GRIK4: variants seen among roughly 807,000 people sequenced by gnomAD.
GRIK4 encodes the protein glutamate receptor ionotropic, kainate 4.
GRIK4 carries 40 observed loss-of-function variants against 104.9 expected under a neutral mutation model. The observed-to-expected ratio is 0.38, with a 90% CI of 0.30 to 0.50. GRIK4 has a LOEUF of 0.50. Ranked by LOEUF, GRIK4 falls within the 20% of genes least tolerant of loss-of-function variation. The pLI, the probability that GRIK4 is intolerant of heterozygous loss-of-function variation, is 0.93. For synonymous variants in GRIK4, 485 were observed against 524.9 expected (o/e 0.92, Z 1.04); for missense variants, 1,047 against 1,308.1 (o/e 0.80, Z 3.08).
chr11:120,672,474 C>G (rs2135268695), intron 3 of GRIK4, among the ~76,000 whole-genome samples: 1 of 152,190 alleles, frequency 6.6e-6, no homozygotes, highest in African/African-American at 2.4e-5. Context: ...TGAACAGAGT[C>G]AATGGTAGCT....
chr11:120,698,623 G>A (rs1049953024), intron 3 of GRIK4, among the ~76,000 whole-genome samples: 2 of 152,144 alleles, frequency 1.3e-5, no homozygotes, highest in African/African-American at 2.4e-5. Context: ...CTTTGAAAGC[G>A]ATTTTGCCTC....
chr11:120,667,097 G>A (rs926794901), intron 3 of GRIK4, among the ~76,000 whole-genome samples: 2 of 152,214 alleles, frequency 1.3e-5, no homozygotes, highest in South Asian at 2.1e-4. Flanking sequence ...TATTGGACCT[G>A]TTACCTCTAA....
chr11:120,808,941 G>A (rs1276242175), intron 4 of GRIK4, among the ~76,000 whole-genome samples: 1 of 152,160 alleles, frequency 6.6e-6, no homozygotes, highest in Non-Finnish European at 1.5e-5. Context: ...GGCCCAGAGA[G>A]CACTGAGCAG....
intron 1 of GRIK4, among the ~76,000 whole-genome samples, chr11:120,581,790 T>A (rs575975454): frequency 4.6e-5 from 7 of 152,130 alleles, no homozygotes; most frequent in Middle Eastern, 3.4e-3. Context: ...TTTATTTCAG[T>A]GAGTGGAAGA....
chr11:120,788,585 C>T (rs951527450), intron 3 of GRIK4, among the ~76,000 whole-genome samples: 15 of 152,070 alleles, frequency 9.9e-5, no homozygotes, highest in African/African-American at 3.6e-4. Flanking sequence ...AAGGAGAAGG[C>T]ACCCAAGAAG....
intron 1 of GRIK4, among the ~76,000 whole-genome samples, chr11:120,550,391 T>A (rs1399635898): frequency 1.3e-5 from 2 of 148,582 alleles, no homozygotes; most frequent in Non-Finnish European, 2.9e-5. Flanking sequence ...TTTGAGCCGA[T>A]GCTGATTAGA....
intron 8 of GRIK4, among the ~76,000 whole-genome samples, chr11:120,857,011 G>A (rs1349736339): frequency 6.6e-6 from 1 of 152,102 alleles, no homozygotes; most frequent in Non-Finnish European, 1.5e-5. Context: ...CATGTTCCCA[G>A]ACACCAGACA....
chr11:120,833,501 AC>A (rs1299935899), intron 7 of GRIK4, among the ~76,000 whole-genome samples: 1 of 151,834 alleles, frequency 6.6e-6, no homozygotes, highest in Non-Finnish European at 1.5e-5. Context: ...TCCCTCCACC[AC>A]CCTTGTGGAA....
At chr11:120,924,614 G>T (rs772079889) in intron 13 of GRIK4, among the ~76,000 whole-genome samples, 1 of 152,032 alleles carries the variant, frequency 6.6e-6, no homozygotes, top group Admixed American at 6.5e-5. Context: ...TACACCTTTC[G>T]TCTGCCCAAA....
At chr11:120,690,469 C>T (rs1591807466) in intron 3 of GRIK4, among the ~76,000 whole-genome samples, 1 of 152,254 alleles carries the variant, frequency 6.6e-6, no homozygotes, top group East Asian at 1.9e-4. Flanking sequence ...ACCAGCTGAG[C>T]CCCCACACTG....
intron 4 of GRIK4, among the ~76,000 whole-genome samples, chr11:120,806,339 T>C (rs1418861678): frequency 2.0e-5 from 3 of 152,226 alleles, no homozygotes; most frequent in Non-Finnish European, 4.4e-5. Flanking sequence ...CTTCCAGTTT[T>C]CTGGGCTTGA....
At chr11:120,605,689 C>T (rs1948951279) in intron 1 of GRIK4, among the ~76,000 whole-genome samples, 1 of 152,230 alleles carries the variant, frequency 6.6e-6, no homozygotes, top group Non-Finnish European at 1.5e-5. Context: ...AGAGAGCTTA[C>T]AGCATAGCAG....
chr11:120,867,471 G>A (rs950012931), intron 9 of GRIK4, among the ~76,000 whole-genome samples: 1 of 151,904 alleles, frequency 6.6e-6, no homozygotes, highest in African/African-American at 2.4e-5. Flanking sequence ...CCTTTTCTCC[G>A]TAACCTTCTT....
chr11:120,931,138 A>G (rs1026759909), intron 13 of GRIK4, among the ~76,000 whole-genome samples: 1 of 152,210 alleles, frequency 6.6e-6, no homozygotes. Context: ...CTAAGGTCAC[A>G]CTGTTAGTAA....
intron 3 of GRIK4, among the ~76,000 whole-genome samples, chr11:120,755,122 C>G (rs1302825363): frequency 1.3e-5 from 2 of 152,132 alleles, no homozygotes; most frequent in Admixed American, 6.5e-5. Context: ...TTTATTCTTT[C>G]AACAGTTATT....
At chr11:120,668,967 A>G (rs1949968944) in intron 3 of GRIK4, among the ~76,000 whole-genome samples, 1 of 152,190 alleles carries the variant, frequency 6.6e-6, no homozygotes. Flanking sequence ...TGACATCTGT[A>G]ATTGATAATA....
chr11:120,914,714 A>G (rs1277187981), intron 13 of GRIK4, among the ~76,000 whole-genome samples: 1 of 152,154 alleles, frequency 6.6e-6, no homozygotes, highest in Non-Finnish European at 1.5e-5. Flanking sequence ...GGATCTTTAT[A>G]AACTATGTCC....
intron 1 of GRIK4, among the ~76,000 whole-genome samples, chr11:120,610,830 TTGCTAC>T (rs1437830874): frequency 1.3e-5 from 2 of 152,188 alleles, no homozygotes; most frequent in Non-Finnish European, 2.9e-5. Flanking sequence ...AAGGGGATTC[TTGCTAC>T]AGGTTATGCC....
At chr11:120,804,241 C>T (rs1369979178) in intron 4 of GRIK4, among the ~76,000 whole-genome samples, 2 of 152,178 alleles carry the variant, frequency 1.3e-5, no homozygotes. Flanking sequence ...CACTCAGTGG[C>T]AAAAATAAGT....
Sources: allele counts gnomAD v4.1 joint callset (sites outside exome capture counted in the v4.1 genomes callset), GRCh38; gene constraint gnomAD v4.1.1; transcripts MANE v1.5; gene names NCBI Gene and HGNC (gene_info 2026-07-23, HGNC 2026-07-21).